The following PCDH15 variants were observed in gnomAD, a reference collection of about 807,000 sequenced individuals.
PCDH15 encodes the protein protocadherin-15.
PCDH15 carries 129 observed loss-of-function variants against 178.5 expected under a neutral mutation model. That is an observed-to-expected ratio of 0.72 (90% CI 0.63 to 0.84). The LOEUF (loss-of-function observed/expected upper bound fraction) is 0.84. PCDH15 is among the 40% of genes least tolerant of loss of function. The pLI is 0.00. For missense variants in PCDH15, 2,230 were observed against 2,099.9 expected, an observed-to-expected ratio of 1.06 and a Z score of -1.21; for synonymous variants, 800 against 732.0, an observed-to-expected ratio of 1.09 and a Z score of -1.50.
intron 2 of PCDH15, among the ~76,000 whole-genome samples, chr10:55,588,152 C>T (rs1054430422): frequency 1.2e-4 from 18 of 152,122 alleles, no homozygotes; most frequent in African/African-American, 4.1e-4. Context: ...TTGTCATAGG[C>T]CTCTGTCACC....
At chr10:54,410,583 ACT>A (rs1465748199) in intron 3 of PCDH15, among the ~76,000 whole-genome samples, 1 of 151,918 alleles carries the variant, frequency 6.6e-6, no homozygotes, top group African/African-American at 2.4e-5. Flanking sequence ...GCAAAGAAAC[ACT>A]CTTCTTTTGG....
intron 2 of PCDH15, among the ~76,000 whole-genome samples, chr10:55,467,809 CA>C (rs199631029): frequency 2.0e-5 from 3 of 150,018 alleles, no homozygotes; most frequent in Non-Finnish European, 4.4e-5. Flanking sequence ...ACTAAAAATA[CA>C]AAAAAAATAG....
chr10:54,290,192 G>T lies in PCDH15; in HGVS notation c.876+27079C>A, dbSNP rs1564877570. The stretch of plus-strand genomic sequence containing the variant: ...GGGAAGCCAATCAGACTAACAGTGG[G>T]TCTCTCAGCAGAAACCCTGCAAGCC... On this transcript the variant is annotated intron_variant, in intron 8 of 37. Coordinates refer to ENST00000644397, the MANE Select transcript of PCDH15 (RefSeq NM_001384140.1). Among the ~76,000 whole-genome samples the T allele has an allele frequency of 2.0e-5, 3 of 152,136 alleles. No individual in the cohort carries two copies. The East Asian group carries it at 5.8e-4, about 29-fold the overall frequency.
chr10:55,239,161 C>T (rs1477761219), intron 1 of PCDH15, among the ~76,000 whole-genome samples: 1 of 152,004 alleles, frequency 6.6e-6, no homozygotes, highest in Non-Finnish European at 1.5e-5. Flanking sequence ...ATAATGTCCA[C>T]CAGTTCCATC....
intron 1 of PCDH15, among the ~76,000 whole-genome samples, chr10:55,254,371 A>T (rs1468368991): frequency 6.6e-6 from 1 of 152,038 alleles, no homozygotes; most frequent in Non-Finnish European, 1.5e-5. Flanking sequence ...TTTTTTAGGG[A>T]CTATGGTTCA....
At chr10:55,490,263 T>G (rs953007674) in intron 2 of PCDH15, among the ~76,000 whole-genome samples, 13 of 151,644 alleles carry the variant, frequency 8.6e-5, no homozygotes, top group African/African-American at 3.1e-4. Flanking sequence ...TGAGGGACAC[T>G]AAGGTTCCTA....
chr10:54,460,315 G>C (rs1468212271), intron 3 of PCDH15, among the ~76,000 whole-genome samples: 1 of 152,052 alleles, frequency 6.6e-6, no homozygotes, highest in African/African-American at 2.4e-5. Context: ...CTCACATTTT[G>C]CTGTAGAATT....
At chr10:54,473,987 G>T (rs1321389322) in intron 3 of PCDH15, among the ~76,000 whole-genome samples, 4 of 151,688 alleles carry the variant, frequency 2.6e-5, no homozygotes, top group African/African-American at 4.8e-5. Flanking sequence ...GCTTGCAAAA[G>T]AACACATTAC....
At chr10:55,172,887 A>G (rs1258395707) in intron 1 of PCDH15, among the ~76,000 whole-genome samples, 5 of 152,112 alleles carry the variant, frequency 3.3e-5, no homozygotes, top group Admixed American at 3.3e-4. Flanking sequence ...AAAGGGCACC[A>G]TCTTTGAGAG....
chr10:55,118,498 G>A (rs1837681996), intron 2 of PCDH15, among the ~76,000 whole-genome samples: 1 of 152,046 alleles, frequency 6.6e-6, no homozygotes. Context: ...TTTCTGAGGG[G>A]ACTTTGAAAA....
At chr10:54,340,002 A>G (rs1336089498) in intron 6 of PCDH15, among the ~76,000 whole-genome samples, 1 of 152,128 alleles carries the variant, frequency 6.6e-6, no homozygotes, top group Non-Finnish European at 1.5e-5. Context: ...GCAAGACCTC[A>G]TTGCAATGAT....
intron 2 of PCDH15, among the ~76,000 whole-genome samples, chr10:54,998,413 A>T (rs1312373552): frequency 6.6e-6 from 1 of 152,078 alleles, no homozygotes; most frequent in Non-Finnish European, 1.5e-5. Context: ...AGAAAAATGT[A>T]GTTGACTTCT....
intron 26 of PCDH15, among the ~76,000 whole-genome samples, chr10:53,891,281 A>T (rs2133483356): frequency 6.6e-6 from 1 of 152,312 alleles, no homozygotes; most frequent in South Asian, 2.1e-4. Context: ...CAAAGGGAGA[A>T]CCAAATGTCA....
intron 2 of PCDH15, among the ~76,000 whole-genome samples, chr10:55,027,708 G>C (rs1316335943): frequency 6.6e-6 from 1 of 151,810 alleles, no homozygotes; most frequent in East Asian, 1.9e-4. Flanking sequence ...ATTTAGGAGA[G>C]TAGTTTTAAA....
chr10:54,544,051 A>T (rs2085560568), intron 2 of PCDH15, among the ~76,000 whole-genome samples: 1 of 152,178 alleles, frequency 6.6e-6, no homozygotes, highest in Non-Finnish European at 1.5e-5. Flanking sequence ...CCATCTCCAC[A>T]TTTCTATTTT....
intron 23 of PCDH15, among the ~76,000 whole-genome samples, chr10:53,953,812 C>T (rs755685845): frequency 1.3e-5 from 2 of 152,006 alleles, no homozygotes; most frequent in Non-Finnish European, 2.9e-5. Flanking sequence ...TGTTCTGAGA[C>T]GAAGTCTTGC....
intron 3 of PCDH15, among the ~76,000 whole-genome samples, chr10:54,834,954 T>A (rs910637106): frequency 6.6e-6 from 1 of 152,172 alleles, no homozygotes; most frequent in Non-Finnish European, 1.5e-5. Flanking sequence ...CTGCTGAGGA[T>A]CTCTATTTCA....
chr10:55,263,103 G>A (rs901285444), intron 1 of PCDH15, among the ~76,000 whole-genome samples: 1 of 152,066 alleles, frequency 6.6e-6, no homozygotes, highest in Non-Finnish European at 1.5e-5. Context: ...GATCCTGGAA[G>A]GTGAATACAA....
At chr10:54,823,206 A>AACACACAC (rs4007188) in intron 3 of PCDH15, among the ~76,000 whole-genome samples, 4,010 of 148,974 alleles carry the variant, frequency 0.027, 152 homozygotes, top group African/African-American at 0.09. Context: ...CACCAGCATA[A>AACACACAC]ACACACACAC....
Sources: allele counts gnomAD v4.1 joint callset (sites outside exome capture counted in the v4.1 genomes callset), GRCh38; gene constraint gnomAD v4.1.1; transcripts MANE v1.5; gene names NCBI Gene and HGNC (gene_info 2026-07-23, HGNC 2026-07-21).